TTC27: variants seen among roughly 807,000 people sequenced by gnomAD.
TTC27 encodes the protein tetratricopeptide repeat protein 27.
A neutral mutation model predicts 115.9 loss-of-function variants in TTC27; 79 were observed. The observed-to-expected ratio is 0.68, with a 90% CI of 0.57 to 0.82. The LOEUF (loss-of-function observed/expected upper bound fraction) is 0.82. TTC27 is among the 40% of genes least tolerant of loss of function. The pLI is 0.00. For synonymous variants in TTC27, 401 were observed against 356.0 expected (o/e 1.13, Z -1.42); for missense variants, 1,054 against 993.1 (o/e 1.06, Z -0.82).
chr2:32,753,429 C>CTTTTTTTTTTTT lies in TTC27; in HGVS notation c.1453-4849_1453-4838dup, dbSNP rs776515945. Among the ~76,000 whole-genome samples, 108 of 72,882 alleles carry CTTTTTTTTTTTT rather than the reference C, an allele frequency of 1.5e-3. 17 individuals carry two copies. Among genetic ancestry groups the CTTTTTTTTTTTT allele is most frequent in the African/African-American group, 5.4e-3 (97 of 17,996 alleles). The allele number at this position is 72,882 out of a possible 152,430, so 47.8% of individuals were successfully genotyped here. ...ATACTCGGTTAATCCAATCAAATGCCTTTTTTTTTTTTTTTTTTTTTTTTT... is the reference window on the plus strand; with the variant it reads ...ATACTCGGTTAATCCAATCAAATGCCTTTTTTTTTTTTTTTTTTTTTTTTTTTTTTTTTTTTT... On this transcript the variant is annotated intron_variant, in intron 12 of 19. Coordinates refer to ENST00000317907, the MANE Select transcript of TTC27 (RefSeq NM_017735.5).
chr2:32,661,548 A>T (rs1407912291), intron 5 of TTC27, among the ~76,000 whole-genome samples: 3 of 152,018 alleles, frequency 2.0e-5, no homozygotes, highest in Non-Finnish European at 2.9e-5. Context: ...ATGGGAGTTC[A>T]CTCATGATTT....
chr2:32,708,232 C>G (rs892357593), intron 10 of TTC27, among the ~76,000 whole-genome samples: 4 of 149,568 alleles, frequency 2.7e-5, no homozygotes, highest in African/African-American at 9.9e-5. Context: ...TTATGGTGAT[C>G]TACTTCCAGT....
At chr2:32,753,492 C>T (rs923649984) in intron 12 of TTC27, among the ~76,000 whole-genome samples, 2 of 119,036 alleles carry the variant, frequency 1.7e-5, no homozygotes, top group African/African-American at 6.5e-5. Flanking sequence ...GGCTGGAGTG[C>T]AGTGGCTTGA....
intron 12 of TTC27, among the ~76,000 whole-genome samples, chr2:32,740,753 C>T (rs1172772207): frequency 6.6e-6 from 1 of 152,226 alleles, no homozygotes; most frequent in Non-Finnish European, 1.5e-5. Flanking sequence ...CTCCTGGGTT[C>T]AAGCGATTCT....
chr2:32,733,870 G>C lies in TTC27; in HGVS notation c.1276G>C (p.Glu426Gln). The change falls in exon 11 of 20, where the codon GAA becomes CAA. Residue 426 changes from glutamate (E) to glutamine (Q), a missense_variant. Transcript: ENST00000317907. ...QFEDKTTSVL[E>Q]RLKIFYCCQV... The stretch of plus-strand genomic sequence containing the variant: ...TGAAGATAAAACTACATCTGTATTG[G>C]AACGCCTGAAGATTTTCTATTGCTG... 3.1e-6 allele frequency: 5 copies of C among 1,612,342 alleles called. No homozygotes were observed. The South Asian group carries it at 5.5e-5, about 18-fold the overall frequency.
intron 4 of TTC27, among the ~76,000 whole-genome samples, 194 bp from the exon 5 acceptor site, chr2:32,649,937 G>A (rs1228786424): frequency 1.3e-5 from 2 of 152,090 alleles, no homozygotes; most frequent in African/African-American, 2.4e-5. Flanking sequence ...AGAGGATGGA[G>A]GTGAGGTGTT....
intron 10 of TTC27, among the ~76,000 whole-genome samples, chr2:32,707,394 C>G (rs1036337325): frequency 3.9e-5 from 6 of 152,282 alleles, no homozygotes; most frequent in Non-Finnish European, 8.8e-5. Flanking sequence ...CAGCATTAAT[C>G]CATTCATGAG....
intron 16 of TTC27, among the ~76,000 whole-genome samples, chr2:32,795,531 CTTAT>C (rs70938366): frequency 0.35 from 49,600 of 142,608 alleles, 8,782 homozygotes; most frequent in South Asian, 0.5. Flanking sequence ...AGCTTCTTTT[CTTAT>C]TTATTTATTT....
chr2:32,778,118 A>G (rs1433360952), intron 14 of TTC27, 138 bp downstream of exon 14: 2 of 631,066 alleles, frequency 3.2e-6, no homozygotes, highest in South Asian at 3.3e-5. Flanking sequence ...ACCTCAAGGT[A>G]TAGGATTTAT....
At chr2:32,658,323 C>T (rs1665412691) in intron 5 of TTC27, among the ~76,000 whole-genome samples, 1 of 152,088 alleles carries the variant, frequency 6.6e-6, no homozygotes, top group Admixed American at 6.6e-5. Flanking sequence ...CTATGTTGCC[C>T]AGACTGGTCT....
At chr2:32,778,019 ACT>A in intron 14 of TTC27, 39 bp downstream of exon 14, 5 of 1,591,178 alleles carry the variant, frequency 3.1e-6, no homozygotes, top group Non-Finnish European at 4.3e-6. Flanking sequence ...GTGGCTCTTT[ACT>A]CTCTAAGTTG....
chr2:32,793,451 A>G (rs1670601888), intron 16 of TTC27, among the ~76,000 whole-genome samples: 1 of 152,248 alleles, frequency 6.6e-6, no homozygotes, highest in South Asian at 2.1e-4. Flanking sequence ...TCAACGCTGG[A>G]TAAAGAAATA....
chr2:32,747,538 C>G (rs1012962730), intron 12 of TTC27, among the ~76,000 whole-genome samples: 5 of 152,154 alleles, frequency 3.3e-5, no homozygotes, highest in Non-Finnish European at 7.4e-5. Flanking sequence ...TGTACAGTTT[C>G]TACCAAATGT....
intron 5 of TTC27, among the ~76,000 whole-genome samples, chr2:32,650,730 A>G (rs1341379336): frequency 6.6e-6 from 1 of 152,186 alleles, no homozygotes; most frequent in Non-Finnish European, 1.5e-5. Context: ...AATAAGTTTC[A>G]CTGAAGTTAA....
chr2:32,662,016 T>C (rs1043321381), intron 5 of TTC27, among the ~76,000 whole-genome samples: 3 of 152,216 alleles, frequency 2.0e-5, no homozygotes, highest in African/African-American at 4.8e-5. Flanking sequence ...TCTGCATCTA[T>C]TGAGATAATC....
chr2:32,736,478 G>T (rs540919672), intron 11 of TTC27, among the ~76,000 whole-genome samples: 1 of 152,076 alleles, frequency 6.6e-6, no homozygotes, highest in Non-Finnish European at 1.5e-5. Context: ...CAAAAAAATT[G>T]TTCTTTAATT....
chr2:32,734,750 A>G (rs1160553994), intron 11 of TTC27, among the ~76,000 whole-genome samples: 2 of 152,164 alleles, frequency 1.3e-5, no homozygotes, highest in African/African-American at 4.8e-5. Flanking sequence ...TACATGAACT[A>G]GGTTTCTAGT....
chr2:32,761,245 C>G (rs1011799692), intron 13 of TTC27, among the ~76,000 whole-genome samples: 18 of 152,250 alleles, frequency 1.2e-4, no homozygotes, highest in African/African-American at 3.9e-4. Context: ...CCGTATACCC[C>G]ACATCTAATC....
Position 32,628,451 on chromosome 2 carries a change from T to A in TTC27, c.88+71T>A, listed in dbSNP as rs372507536. 27 of 1,367,380 alleles carry A rather than the reference T, an allele frequency of 2.0e-5. No homozygotes were observed. In the African/African-American group the frequency reaches 2.1e-4, roughly 10 times the overall value. The allele number at this position is 1,367,380 out of a possible 1,614,324, so 84.7% of individuals were successfully genotyped here. A position where few individuals can be genotyped will look rare whatever the true frequency, so the allele number is the denominator to read the frequency against. ...AGGAAAAGGGATGGCAGCGACTGAT[T>A]CTCATCCCTCCCTTCATTTTTCCCT... On this transcript the variant is annotated intron_variant, in intron 1 of 19. Transcript: ENST00000317907.
Sources: gnomAD v4.1 joint callset for allele counts (sites outside exome capture counted in the v4.1 genomes callset) on GRCh38, gnomAD v4.1.1 for gene constraint, MANE v1.5 for transcripts, NCBI Gene and HGNC (gene_info 2026-07-23, HGNC 2026-07-21) for gene names.